DSCAM: variants seen among roughly 807,000 people sequenced by gnomAD.
DSCAM encodes the protein cell adhesion molecule DSCAM.
A neutral mutation model predicts 217.7 loss-of-function variants in DSCAM; 47 were observed. That is an observed-to-expected ratio of 0.22 (90% confidence interval 0.17 to 0.28). The LOEUF is 0.28. Among genes scored for constraint, DSCAM ranks in the 10% least tolerant of loss-of-function variants. The pLI is 1.00. For missense variants in DSCAM, 2,080 were observed against 2,618.3 expected, an observed-to-expected ratio of 0.79 and a Z score of 4.49; for synonymous variants, 1,056 against 1,015.3, an observed-to-expected ratio of 1.04 and a Z score of -0.76.
chr21:40,171,321 G>A (rs891981997), intron 15 of DSCAM, among the ~76,000 whole-genome samples: 18 of 151,924 alleles, frequency 1.2e-4, no homozygotes, highest in East Asian at 1.9e-4. Flanking sequence ...CAAGTGATCC[G>A]CCCGCCTCAG....
intron 1 of DSCAM, among the ~76,000 whole-genome samples, chr21:40,777,577 CATT>C (rs1414303179): frequency 2.6e-5 from 4 of 152,068 alleles, no homozygotes; most frequent in African/African-American, 9.7e-5. Context: ...TCATCATCAT[CATT>C]AAGAATTCCA....
At chr21:40,809,084 G>A (rs866737513) in intron 1 of DSCAM, among the ~76,000 whole-genome samples, 1 of 152,054 alleles carries the variant, frequency 6.6e-6, no homozygotes, top group Non-Finnish European at 1.5e-5. Flanking sequence ...GTTAGGGCAG[G>A]ACAGGGGTCT....
chr21:40,693,157 G>A (rs534128671), intron 2 of DSCAM, among the ~76,000 whole-genome samples: 1 of 152,174 alleles, frequency 6.6e-6, no homozygotes, highest in Non-Finnish European at 1.5e-5. Context: ...ATACATAGCT[G>A]GGTAAGGTGG....
chr21:40,071,705 A>T (rs537142633), intron 27 of DSCAM, among the ~76,000 whole-genome samples: 1 of 152,258 alleles, frequency 6.6e-6, no homozygotes, highest in African/African-American at 2.4e-5. Flanking sequence ...TAATTTTGAC[A>T]ATCAAAATAT....
chr21:40,550,631 C>G (rs1484837297), intron 3 of DSCAM, among the ~76,000 whole-genome samples: 1 of 152,200 alleles, frequency 6.6e-6, no homozygotes, highest in Non-Finnish European at 1.5e-5. Context: ...TCCGAACAAA[C>G]ACATTACGTC....
At chr21:40,257,162 C>T (rs185933577) in intron 11 of DSCAM, among the ~76,000 whole-genome samples, 13 of 152,186 alleles carry the variant, frequency 8.5e-5, no homozygotes, top group Admixed American at 8.5e-4. Flanking sequence ...GGAATTGGTT[C>T]CAGGAACCCC....
intron 32 of DSCAM, among the ~76,000 whole-genome samples, chr21:40,037,893 C>T (rs930568318): frequency 2.0e-5 from 3 of 147,594 alleles, no homozygotes; most frequent in African/African-American, 7.6e-5. Flanking sequence ...CTTTGACCAA[C>T]CTGAGAAAAA....
chr21:40,655,722 T>C (rs568084866), intron 3 of DSCAM, among the ~76,000 whole-genome samples: 2 of 152,270 alleles, frequency 1.3e-5, no homozygotes, highest in East Asian at 1.9e-4. Flanking sequence ...CAAAGTGCTA[T>C]GATTACAGGC....
intron 1 of DSCAM, among the ~76,000 whole-genome samples, chr21:40,822,893 C>T (rs938375097): frequency 6.6e-6 from 1 of 152,054 alleles, no homozygotes; most frequent in Non-Finnish European, 1.5e-5. Flanking sequence ...CTCATGCCTG[C>T]AATCTCAGCA....
intron 3 of DSCAM, among the ~76,000 whole-genome samples, chr21:40,456,869 T>G (rs2075768051): frequency 6.6e-6 from 1 of 152,170 alleles, no homozygotes; most frequent in South Asian, 2.1e-4. Context: ...TGATGAAAAA[T>G]CACAAAACCA....
chr21:40,188,580 C>T (rs1479783737), intron 12 of DSCAM, among the ~76,000 whole-genome samples: 3 of 152,130 alleles, frequency 2.0e-5, no homozygotes, highest in Admixed American at 2.0e-4. Flanking sequence ...TGCTCACAGT[C>T]CTTTTCTCTA....
chr21:40,226,584 A>C (rs1164017476), intron 11 of DSCAM, among the ~76,000 whole-genome samples: 5 of 152,312 alleles, frequency 3.3e-5, no homozygotes. Context: ...AAACCCATGC[A>C]GCCCTCCACA....
At chr21:40,116,440 G>A (rs1000987218) in intron 20 of DSCAM, among the ~76,000 whole-genome samples, 2 of 152,032 alleles carry the variant, frequency 1.3e-5, no homozygotes, top group African/African-American at 4.8e-5. Context: ...CACATGTCTG[G>A]GATATTTAGA....
intron 1 of DSCAM, among the ~76,000 whole-genome samples, chr21:40,763,866 T>C (rs980701643): frequency 6.6e-6 from 1 of 152,198 alleles, no homozygotes; most frequent in African/African-American, 2.4e-5. Flanking sequence ...ATTTAATAAA[T>C]GGTGCTGGGA....
At chr21:40,348,391 T>G (rs1211795266) in intron 5 of DSCAM, among the ~76,000 whole-genome samples, 1 of 151,408 alleles carries the variant, frequency 6.6e-6, no homozygotes, top group Non-Finnish European at 1.5e-5. Flanking sequence ...AGCCACATTA[T>G]TGCAATCATA....
At chr21:40,117,001 CAAAAA>C (rs534100380) in intron 20 of DSCAM, among the ~76,000 whole-genome samples, 156 of 33,152 alleles carry the variant, frequency 4.7e-3, no homozygotes, top group African/African-American at 0.015. Context: ...GACTCTGTCT[CAAAAA>C]AAAAAAAAAA....
chr21:40,157,701 T>C (rs1385214718), intron 16 of DSCAM, among the ~76,000 whole-genome samples: 1 of 20,552 alleles, frequency 4.9e-5, no homozygotes, highest in Admixed American at 5.8e-4. Context: ...TTTTTTCTTT[T>C]TTTTTTTTTT....
chr21:40,338,283 G>T lies in DSCAM; in HGVS notation c.1601C>A (p.Ser534Tyr). ...HCRVIGYPYY[S>Y]IKWYKNSNLL... is the part of the protein sequence containing the mutation. ...GTTAGAGTTCTTGTACCATTTAATG[G>T]AGTAATACGGATAGCCAATCACACG... Residue 534 changes from serine (S) to tyrosine (Y), a missense_variant, in exon 8 of 33, where the codon TCC becomes TAC. This residue lies in a region of DSCAM where 218 missense variants were observed against 364.1 expected (regional missense o/e 0.60). Transcript: ENST00000400454. 6.2e-7 allele frequency: 1 copy of T among 1,614,218 alleles called. No homozygotes were observed. The highest frequency in any genetic ancestry group is 8.5e-7 in the Non-Finnish European group (1 of 1,180,038).
chr21:40,384,374 T>G (rs1224774540), intron 3 of DSCAM, among the ~76,000 whole-genome samples: 1 of 152,094 alleles, frequency 6.6e-6, no homozygotes, highest in African/African-American at 2.4e-5. Context: ...TTGGGAGGCC[T>G]AGGTGGGTGG....
Sources: gnomAD v4.1 joint callset for allele counts (sites outside exome capture counted in the v4.1 genomes callset) on GRCh38, gnomAD v4.1.1 for gene constraint, gnomAD v4.1.1 regional missense constraint, MANE v1.5 for transcripts, NCBI Gene and HGNC (gene_info 2026-07-23, HGNC 2026-07-21) for gene names.